MACROD2: variants seen among roughly 807,000 people sequenced by gnomAD.
MACROD2 encodes ADP-ribose glycohydrolase MACROD2.
MACROD2 carries 36 observed loss-of-function variants against 70.4 expected under a neutral mutation model. The observed-to-expected ratio is 0.51, with a 90% CI of 0.39 to 0.68. The LOEUF (loss-of-function observed/expected upper bound fraction) is 0.68, where lower values mean the gene tolerates loss of function less well. Among genes scored for constraint, MACROD2 ranks in the 30% least tolerant of loss-of-function variants. The pLI is 0.00. For synonymous variants in MACROD2, 172 were observed against 178.8 expected, an observed-to-expected ratio of 0.96 and a Z score of 0.30; for missense variants, 496 against 538.4, an observed-to-expected ratio of 0.92 and a Z score of 0.78.
chr20:14,141,288 C>G (rs1001855799), intron 3 of MACROD2, among the ~76,000 whole-genome samples: 1 of 152,168 alleles, frequency 6.6e-6, no homozygotes, highest in African/African-American at 2.4e-5. Flanking sequence ...ATGGGTAAAA[C>G]CAGTTTTCTC....
intron 3 of MACROD2, among the ~76,000 whole-genome samples, chr20:14,448,662 C>T (rs1226065852): frequency 1.3e-5 from 2 of 151,040 alleles, no homozygotes; most frequent in Non-Finnish European, 2.9e-5. Flanking sequence ...ATCGACACTC[C>T]CTCTCAGAAA....
intron 8 of MACROD2, among the ~76,000 whole-genome samples, chr20:15,711,123 A>G (rs913359450): frequency 6.6e-6 from 1 of 152,112 alleles, no homozygotes; most frequent in Non-Finnish European, 1.5e-5. Context: ...CAAGTCTGTG[A>G]AGGGTGTTGA....
intron 8 of MACROD2, among the ~76,000 whole-genome samples, chr20:15,632,348 T>A (rs2049303698): frequency 6.6e-6 from 1 of 152,204 alleles, no homozygotes; most frequent in Non-Finnish European, 1.5e-5. Flanking sequence ...TATGCTATGC[T>A]TTAGTAATGC....
In MACROD2 at chr20:14,877,885, A is replaced by C. The variant is rs1008111732; in HGVS notation, c.418+192926A>C. 3.3e-5 allele frequency among the ~76,000 whole-genome samples: 5 copies of C among 151,832 alleles called. No homozygotes were observed. The South Asian group carries it at 8.3e-4, about 25-fold the overall frequency. On this transcript the variant is annotated intron_variant, in intron 5 of 17. Transcript: ENST00000684519. ...CTGGATTCAGTTTGCTAGCATTTTG[A>C]TGAGGATTTTTGTGTCTACGTTCAT...
intron 3 of MACROD2, among the ~76,000 whole-genome samples, chr20:14,130,653 T>C (rs2054705372): frequency 6.6e-6 from 1 of 152,190 alleles, no homozygotes; most frequent in Non-Finnish European, 1.5e-5. Context: ...AGCACTATAT[T>C]AGCAGTTCAT....
At chr20:15,100,894 G>T (rs1005048643) in intron 5 of MACROD2, among the ~76,000 whole-genome samples, 2 of 151,990 alleles carry the variant, frequency 1.3e-5, no homozygotes, top group Non-Finnish European at 2.9e-5. Flanking sequence ...GTGCTGTTTG[G>T]TTACATATTT....
chr20:15,355,775 A>G (rs1201870107), intron 6 of MACROD2, among the ~76,000 whole-genome samples: 1 of 152,226 alleles, frequency 6.6e-6, no homozygotes, highest in Non-Finnish European at 1.5e-5. Flanking sequence ...AAAAGTTTCA[A>G]GCCAAGAACT....
chr20:15,890,541 A>G (rs1352867098), intron 10 of MACROD2, among the ~76,000 whole-genome samples: 2 of 152,166 alleles, frequency 1.3e-5, no homozygotes, highest in Non-Finnish European at 1.5e-5. Flanking sequence ...ACCCATTCCA[A>G]GGGTCAACAT....
chr20:14,393,810 A>G (rs1325508652), intron 3 of MACROD2, among the ~76,000 whole-genome samples: 2 of 152,094 alleles, frequency 1.3e-5, no homozygotes, highest in East Asian at 3.8e-4. Context: ...TTAGATTAGG[A>G]TTTGAGAGTC....
At chr20:15,593,933 G>C (rs6110689) in intron 8 of MACROD2, among the ~76,000 whole-genome samples, 2 of 152,308 alleles carry the variant, frequency 1.3e-5, no homozygotes, top group African/African-American at 4.8e-5. Context: ...CCATGTACAA[G>C]GTCTTTGGTG....
chr20:15,442,986 C>A (rs374448310), intron 7 of MACROD2, among the ~76,000 whole-genome samples: 1 of 152,090 alleles, frequency 6.6e-6, no homozygotes, highest in East Asian at 1.9e-4. Flanking sequence ...TTAGACCTCA[C>A]CTCAATTGTT....
chr20:15,847,497 C>T lies in MACROD2; in HGVS notation c.646-15248C>T, dbSNP rs117861484. On this transcript the variant is annotated intron_variant, in intron 8 of 17. Transcript: ENST00000684519. ...CAAACCAAGGCTTTATTTTGACTGG[C>T]CTTAAATTTTGACCTGTAACTGGCA... 2.6e-3 allele frequency among the ~76,000 whole-genome samples: 400 copies of T among 152,214 alleles called. 2 individuals carry two copies. The East Asian group carries it at 0.04, about 15-fold the overall frequency.
chr20:15,183,937 T>A (rs1241347464), intron 5 of MACROD2, among the ~76,000 whole-genome samples: 1 of 152,098 alleles, frequency 6.6e-6, no homozygotes. Context: ...CGAAGGAGTG[T>A]CAAACTCAAC....
chr20:15,131,424 A>C (rs2076104115), intron 5 of MACROD2, among the ~76,000 whole-genome samples: 1 of 152,112 alleles, frequency 6.6e-6, no homozygotes, highest in Non-Finnish European at 1.5e-5. Flanking sequence ...TGAGAAAAAT[A>C]AACAAGTCAC....
intron 4 of MACROD2, among the ~76,000 whole-genome samples, chr20:14,545,343 T>C (rs1193395416): frequency 1.3e-5 from 2 of 152,154 alleles, no homozygotes. Context: ...TCCTCTGAAC[T>C]CACTTCCTAA....
chr20:15,053,838 A>G (rs138888852), intron 5 of MACROD2, among the ~76,000 whole-genome samples: 224 of 152,362 alleles, frequency 1.5e-3, no homozygotes, highest in African/African-American at 4.9e-3. Flanking sequence ...AGGATTCACC[A>G]TTCTAGATGT....
chr20:14,709,412 C>A (rs2071310972), intron 5 of MACROD2, among the ~76,000 whole-genome samples: 1 of 152,226 alleles, frequency 6.6e-6, no homozygotes. Context: ...CTCTCACACA[C>A]TCACATAAGG....
At chr20:14,745,961 G>C (rs1436232626) in intron 5 of MACROD2, among the ~76,000 whole-genome samples, 1 of 152,104 alleles carries the variant, frequency 6.6e-6, no homozygotes, top group East Asian at 1.9e-4. Context: ...AATCTCTAGG[G>C]CTCTGAAGGA....
intron 5 of MACROD2, among the ~76,000 whole-genome samples, chr20:15,068,861 G>C (rs1283543236): frequency 2.4e-4 from 36 of 152,216 alleles, no homozygotes; most frequent in Non-Finnish European, 4.4e-5. Flanking sequence ...TTGAAGATGT[G>C]AAAGTGGCTT....
Sources: allele counts gnomAD v4.1 joint callset (sites outside exome capture counted in the v4.1 genomes callset), GRCh38; gene constraint gnomAD v4.1.1; transcripts MANE v1.5; gene names NCBI Gene and HGNC (gene_info 2026-07-23, HGNC 2026-07-21).